Variants in FMO2 observed in about 807,000 individuals in gnomAD.
FMO2 encodes the protein flavin-containing monooxygenase 2.
Under a neutral mutation model 41.6 loss-of-function variants are expected in FMO2, and 33 were observed. The ratio of observed to expected loss-of-function variants is 0.79; its 90% CI spans 0.60 to 1.06. FMO2 has a LOEUF of 1.06. Ranked by LOEUF, FMO2 falls within the 50% of genes least tolerant of loss-of-function variation. FMO2 has a pLI of 0.00. For synonymous variants in FMO2, 214 were observed against 219.6 expected (o/e 0.97, Z 0.23); for missense variants, 619 against 632.9 (o/e 0.98, Z 0.23).
At chr1:171,203,342 C>A (rs1344445845) in intron 5 of FMO2, among the ~76,000 whole-genome samples, 3 of 151,780 alleles carry the variant, frequency 2.0e-5, no homozygotes, top group Non-Finnish European at 4.4e-5. Flanking sequence ...CACACACACA[C>A]ACACACACAC....
At position 171,209,501 on chromosome 1, in the gene FMO2, G is replaced by A. The variant is rs1422978295; in HGVS notation, c.*356G>A. On this transcript the variant is annotated 3_prime_UTR_variant, in exon 9 of 9. Transcript: ENST00000209929. ...AAGCAGCCCATGGTTTAAATTATTGGACAATTTAAATTGTGGGTAAATATT... is the reference window on the plus strand; with the variant it reads ...AAGCAGCCCATGGTTTAAATTATTGAACAATTTAAATTGTGGGTAAATATT... 2 of 171,858 alleles carry A rather than the reference G, an allele frequency of 1.2e-5. No individual in the cohort carries two copies. The highest frequency in any genetic ancestry group is 4.7e-5 in the African/African-American group (2 of 42,364). 10.6% of individuals were successfully genotyped at this position (171,858 alleles called of 1,614,324 possible).
In FMO2 at chr1:171,212,332, C is replaced by CATCAGATG. The variant is rs754669098; in HGVS notation, c.*3188_*3195dup. Reference sequence around the variant, plus strand: ...TGGGTGGACACAGCAAGAAGGCCCTCATCAGATGCTGGCCCCTTGGTCTTG... The same window carrying CATCAGATG: ...TGGGTGGACACAGCAAGAAGGCCCTCATCAGATGATCAGATGCTGGCCCCTTGGTCTTG... On this transcript the variant is annotated 3_prime_UTR_variant, in exon 9 of 9. Transcript: ENST00000209929. Among the ~76,000 whole-genome samples, 2 of 152,172 alleles carry CATCAGATG rather than the reference C, an allele frequency of 1.3e-5. No homozygotes were observed. Among genetic ancestry groups the CATCAGATG allele is most frequent in the Non-Finnish European group, 2.9e-5 (2 of 68,026 alleles).
Position 171,199,407 on chromosome 1 carries a change from T to A in FMO2, c.546T>A (p.Phe182Leu). ...GCCAATACAAGCATCCAGATGGATT[T>A]GAGGGAAAACGCATCCTGGTGATTG... ...HSRQYKHPDGFEGKRILVIGM... is the reference protein window; with the variant it reads ...HSRQYKHPDGLEGKRILVIGM... The change falls in exon 5 of 9, where the codon TTT (phenylalanine) becomes TTA (leucine). Residue 182 changes from phenylalanine (F) to leucine (L), a missense_variant. Coordinates refer to ENST00000209929, the MANE Select transcript of FMO2 (RefSeq NM_001460.5). 6.2e-7 allele frequency: 1 copy of A among 1,612,678 alleles called. No homozygotes were observed. The highest frequency in any genetic ancestry group is 1.1e-5 in the South Asian group (1 of 90,736).
At chr1:171,204,771 A>G (rs1658685028) in intron 6 of FMO2, among the ~76,000 whole-genome samples, 1 of 152,102 alleles carries the variant, frequency 6.6e-6, no homozygotes, top group Non-Finnish European at 1.5e-5. Context: ...ACTAACAGAG[A>G]CTCCATGGAT....
chr1:171,197,658 C>T (rs1254727190), intron 4 of FMO2, among the ~76,000 whole-genome samples: 1 of 152,062 alleles, frequency 6.6e-6, no homozygotes, highest in East Asian at 1.9e-4. Flanking sequence ...AGAGGTGGGG[C>T]CTTTAAGAGG....
chr1:171,204,480 T>C (rs990108609), intron 6 of FMO2, among the ~76,000 whole-genome samples: 3 of 152,176 alleles, frequency 2.0e-5, no homozygotes, highest in Non-Finnish European at 2.9e-5. Context: ...ACATTCCTTT[T>C]TCTTTGCTAA....
chr1:171,207,111 C>T (rs1227911956), intron 7 of FMO2, among the ~76,000 whole-genome samples: 3 of 152,122 alleles, frequency 2.0e-5, no homozygotes. Flanking sequence ...TGTCTGATGA[C>T]TCTAGGCAAG....
intron 8 of FMO2, among the ~76,000 whole-genome samples, chr1:171,208,251 A>G (rs192981991): frequency 6.6e-6 from 1 of 152,276 alleles, no homozygotes; most frequent in Admixed American, 6.5e-5. Context: ...CTTTGTGATG[A>G]GGTAAAATGA....
intron 5 of FMO2, among the ~76,000 whole-genome samples, chr1:171,203,509 GA>G (rs1248995242): frequency 2.6e-5 from 4 of 152,228 alleles, no homozygotes; most frequent in African/African-American, 7.2e-5. Flanking sequence ...CTGCACTATA[GA>G]AGAAACTTAG....
intron 5 of FMO2, among the ~76,000 whole-genome samples, chr1:171,200,841 TAGGCTCTTTCATGCTAGG>T (rs1217475894): frequency 6.6e-6 from 1 of 152,208 alleles, no homozygotes; most frequent in African/African-American, 2.4e-5. Context: ...GTACCAGCTC[TAGGCTCTTTCATGCTAGG>T]AATACCCGCA....
intron 5 of FMO2, among the ~76,000 whole-genome samples, chr1:171,201,036 G>A (rs1464403250): frequency 1.3e-5 from 2 of 152,180 alleles, no homozygotes; most frequent in Admixed American, 6.5e-5. Context: ...CCAGTTCCTT[G>A]TATGGGTCTT....
chr1:171,191,908 C>T (rs1027215291), intron 2 of FMO2, among the ~76,000 whole-genome samples: 4 of 123,712 alleles, frequency 3.2e-5, no homozygotes, highest in African/African-American at 9.5e-5. Context: ...TGTAGTGGCA[C>T]GCGCCTGTAG....
At chr1:171,188,167 G>C (rs1257509721) in intron 2 of FMO2, among the ~76,000 whole-genome samples, 14 of 150,472 alleles carry the variant, frequency 9.3e-5, no homozygotes, top group Non-Finnish European at 2.9e-5. Flanking sequence ...CAAAATCCTT[G>C]CATACTCACA....
At chr1:171,205,150 G>A in intron 6 of FMO2, 129 bp from the exon 7 acceptor site, 1 of 577,032 alleles carries the variant, frequency 1.7e-6, no homozygotes, top group Non-Finnish European at 3.0e-6. Context: ...CAGACAACCA[G>A]TTAAGTTAGA....
chr1:171,185,941 A>G, intron 2 of FMO2, 96 bp downstream of exon 2: 1 of 1,237,506 alleles, frequency 8.1e-7, no homozygotes, highest in Non-Finnish European at 1.1e-6. Flanking sequence ...TTATTAAACA[A>G]CTCTGATCAG....
In FMO2 at chr1:171,193,500, C is replaced by A; in HGVS notation, c.298C>A (p.Leu100Met). 1 of 1,606,628 alleles carries A rather than the reference C, an allele frequency of 6.2e-7. No homozygotes were observed. Among genetic ancestry groups the A allele is most frequent in the Non-Finnish European group, 8.5e-7 (1 of 1,173,916 alleles). Residue 100 changes from leucine (L) to methionine (M), a missense_variant, in exon 3 of 9, where the codon CTG becomes ATG. Coordinates refer to ENST00000209929, the MANE Select transcript of FMO2 (RefSeq NM_001460.5). ...CAGGATTTTTGCTAAAAAATTTGAT[C>A]TGCTAAAATATATTCAGTTCCAGGT... is the stretch of plus-strand genomic sequence containing the variant. Reference protein sequence around the residue: ...YFRIFAKKFDLLKYIQFQTTV... With the variant: ...YFRIFAKKFDMLKYIQFQTTV...
intron 5 of FMO2, among the ~76,000 whole-genome samples, chr1:171,201,728 T>C (rs1658545211): frequency 6.6e-6 from 1 of 152,058 alleles, no homozygotes; most frequent in Non-Finnish European, 1.5e-5. Context: ...AGAAAAGAGG[T>C]TTAATTGACT....
intron 6 of FMO2, among the ~76,000 whole-genome samples, chr1:171,204,833 AT>A (rs1658687531): frequency 6.6e-6 from 1 of 152,208 alleles, no homozygotes; most frequent in African/African-American, 2.4e-5. Flanking sequence ...TAATTTTCAC[AT>A]TGATCCCTTC....
chr1:171,208,685 C>A, intron 8 of FMO2, 109 bp from the exon 9 acceptor site: 1 of 1,005,974 alleles, frequency 9.9e-7, no homozygotes, highest in Non-Finnish European at 1.5e-6. Flanking sequence ...ATTGAAAACT[C>A]ATTCACATAT....
Sources: allele counts gnomAD v4.1 joint callset (sites outside exome capture counted in the v4.1 genomes callset), GRCh38; gene constraint gnomAD v4.1.1; transcripts MANE v1.5; gene names NCBI Gene and HGNC (gene_info 2026-07-23, HGNC 2026-07-21).